ZNF583: variants seen among roughly 807,000 people sequenced by gnomAD.
The protein encoded by ZNF583 is zinc finger protein 583, also known as zinc finger protein L3-5.
A neutral mutation model predicts 55.3 loss-of-function variants in ZNF583; 30 were observed. That is an observed-to-expected ratio of 0.54 (90% CI 0.41 to 0.74). The LOEUF is 0.74. ZNF583 is among the 30% of genes least tolerant of loss of function. ZNF583 has a pLI of 0.00. For synonymous variants in ZNF583, 208 were observed against 220.0 expected, an observed-to-expected ratio of 0.95 and a Z score of 0.48; for missense variants, 504 against 664.7, an observed-to-expected ratio of 0.76 and a Z score of 2.66.
At position 56,424,738 on chromosome 19, in the gene ZNF583, G is replaced by C. The variant is rs2042477837; in HGVS notation, c.*370G>C. 6.0e-6 allele frequency: 1 copy of C among 167,680 alleles called. No homozygotes were observed. The highest frequency in any genetic ancestry group is 1.3e-5 in the Non-Finnish European group (1 of 77,478). The allele number at this position is 167,680 out of a possible 1,614,324, so 10.4% of individuals were successfully genotyped here. A position where few individuals can be genotyped will look rare whatever the true frequency, so the allele number is the denominator to read the frequency against. ...TCCAGGATTAAGATACATATTCCAG[G>C]ATCAAAAAGACCTGGGTTCCAATCT... On this transcript the variant is annotated 3_prime_UTR_variant, in exon 5 of 5. Transcript: ENST00000333201.
At chr19:56,422,025 A>G (rs1476184009) in intron 4 of ZNF583, among the ~76,000 whole-genome samples, 1 of 152,172 alleles carries the variant, frequency 6.6e-6, no homozygotes, top group African/African-American at 2.4e-5. Context: ...CAGGCAGAGA[A>G]ACAGCAAGTC....
At chr19:56,419,684 A>G (rs1327709792) in intron 4 of ZNF583, among the ~76,000 whole-genome samples, 2 of 152,228 alleles carry the variant, frequency 1.3e-5, no homozygotes, top group Admixed American at 6.5e-5. Context: ...TATTTTTTAC[A>G]TAACAGCTTT....
chr19:56,422,462 C>T (rs1039370964), intron 4 of ZNF583, among the ~76,000 whole-genome samples: 10 of 152,116 alleles, frequency 6.6e-5, no homozygotes, highest in African/African-American at 2.4e-4. Flanking sequence ...TAAAGTTTTA[C>T]ATGTATCCTA....
chr19:56,418,845 G>A (rs191760872), intron 4 of ZNF583, among the ~76,000 whole-genome samples: 40 of 152,274 alleles, frequency 2.6e-4, no homozygotes, highest in African/African-American at 8.7e-4. Flanking sequence ...AAGGGAAAAC[G>A]TATTCTGTCT....
Position 56,423,480 on chromosome 19 carries a change from G to C in ZNF583, c.822G>C (p.Arg274Ser). 6 of 1,613,954 alleles carry C rather than the reference G, an allele frequency of 3.7e-6. No homozygotes were observed. Among genetic ancestry groups the C allele is most frequent in the Non-Finnish European group, 5.1e-6 (6 of 1,179,952 alleles). Residue 274 changes from arginine (R) to serine (S), a missense_variant, in exon 5 of 5, where the codon AGG becomes AGC. Arg to Ser is a moderately radical substitution (Grantham distance 110). This residue lies in a region of ZNF583 where 237 missense variants were observed against 373.0 expected (regional missense o/e 0.64). Coordinates refer to ENST00000333201, the MANE Select transcript of ZNF583 (RefSeq NM_152478.3). Reference protein sequence around the residue: ...GEKPYECKECRKAFSQNAHLA... With the variant: ...GEKPYECKECSKAFSQNAHLA... ...AACCCTATGAATGTAAAGAATGTAG[G>C]AAAGCCTTCAGCCAGAATGCACACC...
chr19:56,406,073 T>C (rs1342325124), intron 1 of ZNF583, among the ~76,000 whole-genome samples: 2 of 152,164 alleles, frequency 1.3e-5, no homozygotes, highest in Non-Finnish European at 1.5e-5. Flanking sequence ...TGCTCCTCCC[T>C]CCCTCTCTCC....
At chr19:56,405,298 A>G (rs1411450005) in intron 1 of ZNF583, among the ~76,000 whole-genome samples, 2 of 152,196 alleles carry the variant, frequency 1.3e-5, no homozygotes, top group Non-Finnish European at 2.9e-5. Context: ...TCATCCCGAC[A>G]GTGAGTGTGA....
intron 3 of ZNF583, 44 bp downstream of exon 3, chr19:56,414,129 A>C: frequency 6.4e-7 from 1 of 1,553,674 alleles, no homozygotes; most frequent in Non-Finnish European, 8.7e-7. Context: ...CATGGGACTG[A>C]GCTCCAATGT....
In ZNF583 at chr19:56,414,616, T is replaced by A. The variant is rs2042290348; in HGVS notation, c.232+176T>A. On this transcript the variant is annotated intron_variant, in intron 4 of 4. Coordinates refer to ENST00000333201, the MANE Select transcript of ZNF583 (RefSeq NM_152478.3). Reference sequence around the variant, plus strand: ...CTCCTCAATTTGTTCTCTCTGTCTATATTCTCTCACAAGTTACAGTCTTCT... The same window carrying A: ...CTCCTCAATTTGTTCTCTCTGTCTAAATTCTCTCACAAGTTACAGTCTTCT... 5 of 583,912 alleles carry A rather than the reference T, an allele frequency of 8.6e-6. No homozygotes were observed. The Admixed American group carries it at 1.6e-4, about 18-fold the overall frequency. 36.2% of individuals were successfully genotyped at this position (583,912 alleles called of 1,614,324 possible). A position where few individuals can be genotyped will look rare whatever the true frequency, so the allele number is the denominator to read the frequency against.
Position 56,424,388 on chromosome 19 carries a change from C to G in ZNF583, c.*20C>G, listed in dbSNP as rs748862595. 4.8e-6 allele frequency: 5 copies of G among 1,032,734 alleles called. No individual in the cohort carries two copies. In the African/African-American group the frequency reaches 7.9e-5, roughly 16 times the overall value. The allele number at this position is 1,032,734 out of a possible 1,614,324, so 64.0% of individuals were successfully genotyped here. On this transcript the variant is annotated 3_prime_UTR_variant, in exon 5 of 5. Transcript: ENST00000333201. ...TCCTGAATATTTCTGGAATCCACCTCTTGAATCCATTTCCATCCCATCATC... is the reference window on the plus strand; with the variant it reads ...TCCTGAATATTTCTGGAATCCACCTGTTGAATCCATTTCCATCCCATCATC...
Position 56,413,601 on chromosome 19 carries a change from C to G in ZNF583, c.10-358C>G, listed in dbSNP as rs779025512. ...TCCTCCTCGAAGCTCTTTACTGCCCCGGTGTATCTGATTTTCCAATATTGA... is the reference window on the plus strand; with the variant it reads ...TCCTCCTCGAAGCTCTTTACTGCCCGGGTGTATCTGATTTTCCAATATTGA... On this transcript the variant is annotated intron_variant, in intron 2 of 4. Coordinates refer to ENST00000333201, the MANE Select transcript of ZNF583 (RefSeq NM_152478.3). 1.3e-5 allele frequency among the ~76,000 whole-genome samples: 2 copies of G among 152,182 alleles called. 1 individual carries two copies. Among genetic ancestry groups the G allele is most frequent in the South Asian group, 4.2e-4 (2 of 4,812 alleles).
chr19:56,426,884 C>T lies in ZNF583; in HGVS notation c.*2516C>T, dbSNP rs1354803095. On this transcript the variant is annotated 3_prime_UTR_variant, in exon 5 of 5. Transcript: ENST00000333201. Reference sequence around the variant, plus strand: ...TTTTGAAGTTCAAAAACTCGGCACACAATGTCTTTCCCTCCAGATTCTATT... The same window carrying T: ...TTTTGAAGTTCAAAAACTCGGCACATAATGTCTTTCCCTCCAGATTCTATT... The T allele has an allele frequency of 3.4e-5, 5 of 147,634 alleles. No individual in the cohort carries two copies. Among genetic ancestry groups the T allele is most frequent in the South Asian group, 2.1e-4 (1 of 4,676 alleles). 9.1% of individuals were successfully genotyped at this position (147,634 alleles called of 1,614,324 possible).
rs2042164789 is a variant in ZNF583, at chr19:56,407,046, G to C, written c.-69G>C. The stretch of plus-strand genomic sequence containing the variant: ...TCCAGCTCGACTTTCTCAGGATACT[G>C]TCCCTCTCCCACAGAGGAGCTGAAG... On this transcript the variant is annotated 5_prime_UTR_variant, in exon 2 of 5. Coordinates refer to ENST00000333201, the MANE Select transcript of ZNF583 (RefSeq NM_152478.3). 6.3e-7 allele frequency: 1 copy of C among 1,590,770 alleles called. No individual in the cohort carries two copies. Among genetic ancestry groups the C allele is most frequent in the Admixed American group, 1.7e-5 (1 of 59,092 alleles).
intron 2 of ZNF583, among the ~76,000 whole-genome samples, chr19:56,409,227 T>C (rs2042201625): frequency 6.6e-6 from 1 of 152,224 alleles, no homozygotes; most frequent in South Asian, 2.1e-4. Context: ...TTTGTTCACC[T>C]TTGTATTCCT....
At position 56,414,427 on chromosome 19, in the gene ZNF583, A is replaced by G; in HGVS notation, c.219A>G (p.Arg73=). Residue 73 remains arginine (R), a synonymous_variant, in exon 4 of 5, where the codon AGA becomes AGG. Coordinates refer to ENST00000333201, the MANE Select transcript of ZNF583 (RefSeq NM_152478.3). ...GGATGGTGAAGAAGGAGGGAACAAG[A>G]GGCCCATGCCCTGGTGAGTGAGAGA... ...EPWMVKKEGT[R]GPCPDWEYVF... The G allele has an allele frequency of 6.2e-7, 1 of 1,614,092 alleles. No individual in the cohort carries two copies. The highest frequency in any genetic ancestry group is 8.5e-7 in the Non-Finnish European group (1 of 1,179,950).
At chr19:56,408,254 G>A (rs925373549) in intron 2 of ZNF583, among the ~76,000 whole-genome samples, 1 of 152,020 alleles carries the variant, frequency 6.6e-6, no homozygotes, top group African/African-American at 2.4e-5. Flanking sequence ...TTAAAATATG[G>A]AAAATGGAGA....
rs1323966383 is a variant in ZNF583, at chr19:56,424,098, T to C, written c.1440T>C (p.Ala480=). The change falls in exon 5 of 5, where the codon GCT becomes GCC. Residue 480 remains alanine, a synonymous_variant. Transcript: ENST00000333201. ...RKTFSQNAGL[A]QHQRIHTGEK... The stretch of plus-strand genomic sequence containing the variant: ...CATTTAGCCAGAATGCAGGCCTTGC[T>C]CAACATCAGAGAATTCATACTGGAG... 5 of 1,614,120 alleles carry C rather than the reference T, an allele frequency of 3.1e-6. No homozygotes were observed. The highest frequency in any genetic ancestry group is 1.7e-5 in the Admixed American group (1 of 60,020).
chr19:56,424,287 T>C lies in ZNF583; in HGVS notation c.1629T>C (p.Thr543=). The stretch of plus-strand genomic sequence containing the variant: ...TTGCTCATCATGAGAGAATTCATAC[T>C]ATGGAGTCATTCTTGACTCTTTCCT... ...AHLAHHERIH[T]MESFLTLSSP... The change falls in exon 5 of 5, where the codon ACT becomes ACC. Residue 543 remains threonine, a synonymous_variant. Transcript: ENST00000333201. The C allele has an allele frequency of 6.2e-7, 1 of 1,613,918 alleles. No individual in the cohort carries two copies. Among genetic ancestry groups the C allele is most frequent in the Non-Finnish European group, 8.5e-7 (1 of 1,179,894 alleles).
intron 4 of ZNF583, 98 bp downstream of exon 4, chr19:56,414,538 C>G: frequency 9.2e-7 from 1 of 1,085,210 alleles, no homozygotes; most frequent in South Asian, 1.5e-5. Flanking sequence ...CTGGGTAGCT[C>G]TTCTTAAAGA....
Sources: gnomAD v4.1 joint callset for allele counts (sites outside exome capture counted in the v4.1 genomes callset) on GRCh38, gnomAD v4.1.1 for gene constraint, gnomAD v4.1.1 regional missense constraint, MANE v1.5 for transcripts, NCBI Gene and HGNC (gene_info 2026-07-23, HGNC 2026-07-21) for gene names.